The following TEX9 variants were observed in gnomAD, a reference collection of about 807,000 sequenced individuals.
The protein encoded by TEX9 is testis-expressed protein 9.
In TEX9, 74 loss-of-function variants were observed where a neutral mutation model predicts 59.6. That is an observed-to-expected ratio of 1.24 (90% confidence interval 1.03 to 1.51). The LOEUF (loss-of-function observed/expected upper bound fraction) is 1.51. TEX9 is among the 40% of genes most tolerant of loss of function. The pLI is 0.00. For missense variants in TEX9, 522 were observed against 447.8 expected, an observed-to-expected ratio of 1.17 and a Z score of -1.49; for synonymous variants, 186 against 152.2, an observed-to-expected ratio of 1.22 and a Z score of -1.64.
intron 1 of TEX9, among the ~76,000 whole-genome samples, chr15:56,277,686 G>GT (rs1285960630): frequency 1.3e-5 from 2 of 151,736 alleles, no homozygotes; most frequent in African/African-American, 2.4e-5. Context: ...CAAAGTAGTT[G>GT]TTTTTTTTCT....
chr15:56,347,885 A>G (rs570045648), intron 1 of TEX9, among the ~76,000 whole-genome samples: 10 of 152,282 alleles, frequency 6.6e-5, no homozygotes, highest in African/African-American at 2.4e-4. Context: ...ATTAGTATAT[A>G]GAACATATAA....
At chr15:56,347,358 TC>T (rs1205183940) in intron 1 of TEX9, among the ~76,000 whole-genome samples, 1 of 152,094 alleles carries the variant, frequency 6.6e-6, no homozygotes, top group Non-Finnish European at 1.5e-5. Flanking sequence ...TCAGGGTATG[TC>T]CTATTGCCAG....
At chr15:56,397,793 G>A (rs117893963) in intron 9 of TEX9, 10,607 of 152,288 alleles carry the variant, frequency 0.07, 464 homozygotes, top group Non-Finnish European at 0.1. Context: ...AGATTTGATG[G>A]TTTTAAAAAT....
intron 9 of TEX9, among the ~76,000 whole-genome samples, chr15:56,404,141 A>G (rs1234115461): frequency 1.3e-5 from 2 of 152,236 alleles, no homozygotes; most frequent in African/African-American, 4.8e-5. Flanking sequence ...AATGGGATCT[A>G]ATTAAACTAA....
intron 1 of TEX9, among the ~76,000 whole-genome samples, chr15:56,307,537 A>T (rs1210896967): frequency 1.3e-5 from 2 of 152,242 alleles, no homozygotes; most frequent in Non-Finnish European, 2.9e-5. Flanking sequence ...TACATTTATT[A>T]AATGTCCAAT....
At chr15:56,320,775 T>C (rs2045884321) in intron 1 of TEX9, among the ~76,000 whole-genome samples, 2 of 152,210 alleles carry the variant, frequency 1.3e-5, no homozygotes, top group Non-Finnish European at 2.9e-5. Flanking sequence ...TAATTACACC[T>C]TATATCCAGC....
intron 3 of TEX9, among the ~76,000 whole-genome samples, chr15:56,378,325 T>G (rs1229274818): frequency 2.0e-5 from 3 of 152,172 alleles, no homozygotes; most frequent in Non-Finnish European, 4.4e-5. Flanking sequence ...TCGATAGAAT[T>G]CGCAGTGCAG....
chr15:56,404,308 C>G (rs186404266), intron 9 of TEX9, among the ~76,000 whole-genome samples: 35 of 152,226 alleles, frequency 2.3e-4, no homozygotes, highest in African/African-American at 7.9e-4. Flanking sequence ...TCAACCCCAT[C>G]AAAAAGTGGG....
chr15:56,352,023 A>G (rs1420643113), intron 1 of TEX9, among the ~76,000 whole-genome samples: 1 of 152,198 alleles, frequency 6.6e-6, no homozygotes, highest in East Asian at 1.9e-4. Context: ...AGGATGCAAG[A>G]TAAGTACATA....
intron 1 of TEX9, among the ~76,000 whole-genome samples, chr15:56,246,339 G>A (rs545061757): frequency 4.8e-4 from 73 of 152,296 alleles, no homozygotes; most frequent in Non-Finnish European, 5.1e-4. Context: ...TCAGACTGAG[G>A]AGACCTTATT....
chr15:56,429,254 T>TA (rs2050484970), intron 12 of TEX9: 1 of 1,069,514 alleles, frequency 9.4e-7, no homozygotes, highest in African/African-American at 1.6e-5. Flanking sequence ...TAAATGCTTT[T>TA]AAGACTGACA....
chr15:56,316,336 T>A (rs376835536), intron 1 of TEX9, among the ~76,000 whole-genome samples: 5,856 of 150,760 alleles, frequency 0.039, 183 homozygotes, highest in Admixed American at 0.077. Flanking sequence ...TTTGGTGTGG[T>A]TGTCCTTTCT....
intron 10 of TEX9, among the ~76,000 whole-genome samples, chr15:56,415,716 A>G (rs1356919521): frequency 6.6e-6 from 1 of 151,878 alleles, no homozygotes; most frequent in Non-Finnish European, 1.5e-5. Context: ...TGCCTTGGCT[A>G]TTCAGGCTCT....
intron 1 of TEX9, among the ~76,000 whole-genome samples, chr15:56,341,882 G>T (rs138204453): frequency 1.7e-3 from 252 of 152,218 alleles, no homozygotes; most frequent in Non-Finnish European, 1.3e-3. Context: ...AAATGCTGAT[G>T]ATTTTAGAGA....
chr15:56,271,036 A>C (rs1336044913), intron 1 of TEX9, among the ~76,000 whole-genome samples: 1 of 152,160 alleles, frequency 6.6e-6, no homozygotes, highest in African/African-American at 2.4e-5. Flanking sequence ...CTTTGTGGGT[A>C]ACATGACCTT....
intron 9 of TEX9, among the ~76,000 whole-genome samples, chr15:56,409,233 T>C (rs2049229927): frequency 6.6e-6 from 1 of 151,838 alleles, no homozygotes; most frequent in African/African-American, 2.4e-5. Context: ...ATCACACACA[T>C]ACACATATGC....
intron 1 of TEX9, among the ~76,000 whole-genome samples, chr15:56,273,075 T>G (rs1056082503): frequency 1.3e-5 from 2 of 152,016 alleles, no homozygotes; most frequent in Admixed American, 1.3e-4. Flanking sequence ...TGCTGCAGCC[T>G]CCTGAGTAAC....
At chr15:56,361,556 A>G (rs1029268131), upstream of TEX9, among the ~76,000 whole-genome samples, 5 of 152,192 alleles carry the variant, frequency 3.3e-5, no homozygotes, top group African/African-American at 1.2e-4. Flanking sequence ...CTGGGACCAC[A>G]ATAAAATAGT....
At chr15:56,267,425 T>C (rs1378912142) in intron 1 of TEX9, among the ~76,000 whole-genome samples, 1 of 152,244 alleles carries the variant, frequency 6.6e-6, no homozygotes, top group Non-Finnish European at 1.5e-5. Flanking sequence ...TGAATGGTAT[T>C]GCCTAGGTTT....
Sources: allele counts gnomAD v4.1 joint callset (sites outside exome capture counted in the v4.1 genomes callset), GRCh38; gene constraint gnomAD v4.1.1; transcripts MANE v1.5; gene names NCBI Gene and HGNC (gene_info 2026-07-23, HGNC 2026-07-21).